The following CPAP variants were observed in gnomAD, a reference collection of about 807,000 sequenced individuals.
CPAP encodes the protein centrosomal P4.1-associated protein.
the CPAP span, among the ~76,000 whole-genome samples, chr13:24,924,161 G>A: frequency 0.65 from 98,454 of 151,916 alleles, 32,580 homozygotes; most frequent in African/African-American, 0.79. Flanking sequence ...TTCACTGTGG[G>A]TGAGGAAGCT....
At chr13:24,884,924 C>G in the CPAP span, among the ~76,000 whole-genome samples, 4 of 152,194 alleles carry the variant, frequency 2.6e-5, no homozygotes, top group Non-Finnish European at 1.5e-5. Flanking sequence ...TTAGCTGGAA[C>G]CCCCAGGCAG....
chr13:24,913,726 T>C, the CPAP span, among the ~76,000 whole-genome samples: 4 of 152,266 alleles, frequency 2.6e-5, no homozygotes, highest in African/African-American at 9.6e-5. Context: ...AAGATATCTA[T>C]ATATTCACTA....
At chr13:24,913,147 C>T in the CPAP span, 8 of 798,090 alleles carry the variant, frequency 1.0e-5, no homozygotes, top group Non-Finnish European at 1.4e-5. Context: ...GATGTCCTAC[C>T]AAAAATGAGC....
At chr13:24,884,002 T>G in the CPAP span, 3 of 1,614,196 alleles carry the variant, frequency 1.9e-6, no homozygotes, top group Admixed American at 1.7e-5. Context: ...GAAAATGCTT[T>G]CTTCTTGTCC....
the CPAP span, chr13:24,885,174 C>T: frequency 1.3e-6 from 1 of 766,480 alleles, no homozygotes; most frequent in Non-Finnish European, 2.2e-6. Context: ...CAACTAAAGG[C>T]ATCTTGTCCA....
At chr13:24,894,433 A>C in the CPAP span, among the ~76,000 whole-genome samples, 1 of 152,170 alleles carries the variant, frequency 6.6e-6, no homozygotes, top group Non-Finnish European at 1.5e-5. Flanking sequence ...ACCAGGATGG[A>C]CACTGGCAGA....
the CPAP span, chr13:24,892,532 G>GC: frequency 5.8e-3 from 4,819 of 830,520 alleles, 140 homozygotes; most frequent in African/African-American, 0.068. Context: ...ACTCCCCACT[G>GC]CCCCCCCAGC....
At chr13:24,894,504 A>G in the CPAP span, among the ~76,000 whole-genome samples, 2 of 152,228 alleles carry the variant, frequency 1.3e-5, no homozygotes, top group Admixed American at 1.3e-4. Context: ...AGTGCCATAG[A>G]ATGACCGGAG....
the CPAP span, among the ~76,000 whole-genome samples, chr13:24,924,097 T>C: frequency 3.3e-5 from 5 of 152,132 alleles, no homozygotes; most frequent in African/African-American, 1.2e-4. Context: ...CCTCCCAAAG[T>C]GCTGGAATTA....
At chr13:24,903,949 T>C in the CPAP span, 1 of 1,614,168 alleles carries the variant, frequency 6.2e-7, no homozygotes, top group East Asian at 2.2e-5. Flanking sequence ...AGGCACTTTC[T>C]CGTTCAATGC....
At chr13:24,918,199 C>G in the CPAP span, among the ~76,000 whole-genome samples, 1 of 152,228 alleles carries the variant, frequency 6.6e-6, no homozygotes, top group African/African-American at 2.4e-5. Flanking sequence ...ATGACCAGAA[C>G]AGTGAAGGAA....
the CPAP span, chr13:24,903,786 A>C: frequency 9.2e-6 from 9 of 980,034 alleles, no homozygotes; most frequent in South Asian, 1.4e-5. Context: ...AGTAAAAAAA[A>C]CTTATATGAT....
chr13:24,903,115 A>T, the CPAP span, among the ~76,000 whole-genome samples: 7 of 152,226 alleles, frequency 4.6e-5, no homozygotes, highest in African/African-American at 1.7e-4. Context: ...ATATATAAAT[A>T]GCCTCATGTA....
At chr13:24,883,243 C>CTT in the CPAP span, 1 of 1,614,056 alleles carries the variant, frequency 6.2e-7, no homozygotes, top group South Asian at 1.1e-5. Flanking sequence ...CGGATCTGTA[C>CTT]TTCGTTTCTT....
the CPAP span, among the ~76,000 whole-genome samples, chr13:24,923,892 G>A: frequency 1.3e-5 from 2 of 151,914 alleles, no homozygotes; most frequent in East Asian, 1.9e-4. Flanking sequence ...ACAATGGCGC[G>A]ATCTCCGCTC....
At chr13:24,914,871 G>A in the CPAP span, among the ~76,000 whole-genome samples, 2 of 152,028 alleles carry the variant, frequency 1.3e-5, no homozygotes, top group Non-Finnish European at 2.9e-5. Context: ...TTAGGAGTTC[G>A]AGACCAGCCT....
chr13:24,926,100 G>A, the CPAP span, among the ~76,000 whole-genome samples: 2 of 152,204 alleles, frequency 1.3e-5, no homozygotes, highest in Non-Finnish European at 2.9e-5. Context: ...GCCAGGGTCT[G>A]TGGGACAGAC....
chr13:24,907,624 A>T, the CPAP span, among the ~76,000 whole-genome samples: 1 of 147,382 alleles, frequency 6.8e-6, no homozygotes, highest in Non-Finnish European at 1.5e-5. Context: ...ACTTACTTAA[A>T]ATATAAAATA....
chr13:24,926,892 G>C, the CPAP span, among the ~76,000 whole-genome samples: 1 of 152,164 alleles, frequency 6.6e-6, no homozygotes, highest in African/African-American at 2.4e-5. Context: ...GGCCATAGCA[G>C]ACAACTTCCT....
Sources: allele counts gnomAD v4.1 joint callset (sites outside exome capture counted in the v4.1 genomes callset), GRCh38; gene constraint gnomAD v4.1.1; transcripts MANE v1.5; gene names NCBI Gene and HGNC (gene_info 2026-07-23, HGNC 2026-07-21).